PA2G4: variants seen among roughly 807,000 people sequenced by gnomAD.
PA2G4 encodes proliferation-associated 2G4, also known as proliferation-associated protein 2G4.
Under a neutral mutation model 53.3 loss-of-function variants are expected in PA2G4, and 8 were observed. The ratio of observed to expected loss-of-function variants is 0.15; its 90% confidence interval spans 0.09 to 0.27. The LOEUF (loss-of-function observed/expected upper bound fraction) is 0.27, where lower values mean the gene tolerates loss of function less well. Among genes scored for constraint, PA2G4 ranks in the 10% least tolerant of loss-of-function variants. PA2G4 has a pLI of 1.00. For missense variants in PA2G4, 208 were observed against 486.8 expected (o/e 0.43, Z 5.39); for synonymous variants, 143 against 169.8 (o/e 0.84, Z 1.23).
chr12:56,110,857 C>G, intron 9 of PA2G4, 107 bp from the exon 10 acceptor site: 1 of 1,349,932 alleles, frequency 7.4e-7, no homozygotes, highest in Non-Finnish European at 1.0e-6. Context: ...AAGAGCAATC[C>G]TAAGCATGAT....
At chr12:56,104,898 G>A in intron 1 of PA2G4, 73 bp downstream of exon 1, 3 of 1,312,360 alleles carry the variant, frequency 2.3e-6, no homozygotes, top group Non-Finnish European at 3.3e-6. Flanking sequence ...GAAGGGGCTG[G>A]AGCGGAGGGG....
intron 5 of PA2G4, 71 bp downstream of exon 5, chr12:56,107,684 A>G (rs998359820): frequency 4.0e-6 from 4 of 997,984 alleles, no homozygotes; most frequent in East Asian, 2.4e-5. Flanking sequence ...GCTACTCTAT[A>G]TGAAACTACC....
At chr12:56,111,757 T>C (rs1869431262) in intron 12 of PA2G4, among the ~76,000 whole-genome samples, 1 of 150,842 alleles carries the variant, frequency 6.6e-6, no homozygotes, top group Non-Finnish European at 1.5e-5. Context: ...CTCCTGGCCT[T>C]GAACAGTCCT....
intron 2 of PA2G4, 33 bp from the exon 3 acceptor site, chr12:56,106,957 C>A: frequency 6.5e-7 from 1 of 1,545,152 alleles, no homozygotes; most frequent in Non-Finnish European, 8.9e-7. Context: ...CGGGAGACAG[C>A]AAGGCAGTAG....
intron 9 of PA2G4, 54 bp from the exon 10 acceptor site, chr12:56,110,910 G>A: frequency 1.3e-6 from 2 of 1,528,394 alleles, no homozygotes; most frequent in South Asian, 2.3e-5. Flanking sequence ...TGAGCAAAAT[G>A]GTAAGACTTG....
In PA2G4 at chr12:56,109,311, G is replaced by C. The variant is rs998416411; in HGVS notation, c.550+18G>C. 6.3e-7 allele frequency: 1 copy of C among 1,597,836 alleles called. No individual in the cohort carries two copies. The highest frequency in any genetic ancestry group is 8.6e-7 in the Non-Finnish European group (1 of 1,167,854). On this transcript the variant is annotated intron_variant, in intron 6 of 12. Transcript: ENST00000303305. ...AATAGAAGGTGAGAACAGATAACAG[G>C]GTTGAGGGTCTAAGAATGAGTGGCT...
rs757050701 is a variant in PA2G4, at chr12:56,112,825, C to T, written c.1122C>T (p.Ala374=). ...CCCTCTCCTTTTCTTGCATATAGGC[C>T]TCCAAGACTGCAGAGAATGCCACCA... is the stretch of plus-strand genomic sequence containing the variant. ...RKTQKKKKKK[A]SKTAENATSG... is the part of the protein sequence containing the mutation. Residue 374 remains alanine (A), a splice_region_variant and synonymous_variant, in exon 13 of 13, where the codon GCC becomes GCT. Coordinates refer to ENST00000303305, the MANE Select transcript of PA2G4 (RefSeq NM_006191.3). 2.5e-6 allele frequency: 4 copies of T among 1,584,992 alleles called. No homozygotes were observed. In the East Asian group the frequency reaches 7.1e-5, roughly 28 times the overall value.
Position 56,111,463 on chromosome 12 carries a change from TC to T in PA2G4, c.1066-11del. On this transcript the variant is annotated splice_polypyrimidine_tract_variant and intron_variant, in intron 11 of 12. Transcript: ENST00000303305. ...ATTTCTCAAAATTTTTTTCCCTTCTTCCTGTTTTCCAGGCCCTCCTCCAGAG... is the reference window on the plus strand; with the variant it reads ...ATTTCTCAAAATTTTTTTCCCTTCTTCTGTTTTCCAGGCCCTCCTCCAGAG... 1 of 1,613,020 alleles carries T rather than the reference TC, an allele frequency of 6.2e-7. No homozygotes were observed. Among genetic ancestry groups the T allele is most frequent in the Non-Finnish European group, 8.5e-7 (1 of 1,179,712 alleles).
At chr12:56,107,968 G>A (rs1015985161) in intron 5 of PA2G4, among the ~76,000 whole-genome samples, 1 of 152,212 alleles carries the variant, frequency 6.6e-6, no homozygotes, top group Non-Finnish European at 1.5e-5. Flanking sequence ...GATTGAGGCT[G>A]TGCTGAGCTA....
At position 56,104,687 on chromosome 12, in the gene PA2G4, G is replaced by C. The variant is rs762680104; in HGVS notation, c.-51G>C. On this transcript the variant is annotated 5_prime_UTR_variant, in exon 1 of 13. Coordinates refer to ENST00000303305, the MANE Select transcript of PA2G4 (RefSeq NM_006191.3). ...CAGCCTGTGGCTGGGAAGGGAGACA[G>C]AGGCGGCGGCGGCTCAGGGGAAACG... 8.0e-6 allele frequency: 12 copies of C among 1,498,736 alleles called. 1 individual carries two copies. The highest frequency in any genetic ancestry group is 1.8e-4 in the Middle Eastern group (1 of 5,674). 92.8% of individuals were successfully genotyped at this position (1,498,736 alleles called of 1,614,324 possible).
In PA2G4 at chr12:56,111,164, T is replaced by A; in HGVS notation, c.938-18T>A. The A allele has an allele frequency of 6.2e-7, 1 of 1,614,072 alleles. No homozygotes were observed. The highest frequency in any genetic ancestry group is 2.2e-5 in the East Asian group (1 of 44,900). On this transcript the variant is annotated intron_variant, in intron 10 of 12. Transcript: ENST00000303305. ...CAAAGGAACTTTTTATCAAAACACA[T>A]CTTCATTTTTGCCATAGGTGAATTT... is the stretch of plus-strand genomic sequence containing the variant.
chr12:56,112,177 C>T (rs1341073011), intron 12 of PA2G4, among the ~76,000 whole-genome samples: 1 of 152,178 alleles, frequency 6.6e-6, no homozygotes, highest in African/African-American at 2.4e-5. Context: ...TCATAGCTCA[C>T]TGTATCCTCA....
Position 56,110,687 on chromosome 12 carries a change from T to G in PA2G4, c.837T>G (p.Thr279=). ...GGCGTTTTGATGCCATGCCGTTTAC[T>G]TTAAGGTACTAAGCAATGATAGTAC... ...VERRFDAMPF[T]LRAFEDEKKA... Residue 279 remains threonine, a synonymous_variant, in exon 9 of 13, where the codon ACT becomes ACG. Coordinates refer to ENST00000303305, the MANE Select transcript of PA2G4 (RefSeq NM_006191.3). 6.2e-7 allele frequency: 1 copy of G among 1,614,124 alleles called. No homozygotes were observed. Among genetic ancestry groups the G allele is most frequent in the Non-Finnish European group, 8.5e-7 (1 of 1,179,982 alleles).
chr12:56,109,151 C>G, intron 5 of PA2G4, 79 bp from the exon 6 acceptor site: 82 of 673,366 alleles, frequency 1.2e-4, no homozygotes, highest in Non-Finnish European at 1.7e-4. Flanking sequence ...ACGCTCAGTT[C>G]TTTTATGCTT....
intron 12 of PA2G4, among the ~76,000 whole-genome samples, chr12:56,111,737 G>C (rs570805837): frequency 6.1e-5 from 9 of 147,010 alleles, no homozygotes; most frequent in Non-Finnish European, 1.2e-4. Flanking sequence ...TTAAGAGACA[G>C]AGTCTCAAAC....
In PA2G4 at chr12:56,104,809, G is replaced by A. The variant is rs1869256047; in HGVS notation, c.72G>A (p.Gly24=). ...EDLVVTKYKM[G]GDIANRVLRS... is the part of the protein sequence containing the mutation. ...TGGTCGTGACCAAGTATAAGATGGGGGGCGACATCGCCAACAGTGAGTGCG... is the reference window on the plus strand; with the variant it reads ...TGGTCGTGACCAAGTATAAGATGGGAGGCGACATCGCCAACAGTGAGTGCG... Residue 24 remains glycine, a synonymous_variant, in exon 1 of 13, where the codon GGG becomes GGA. Transcript: ENST00000303305. 6.2e-7 allele frequency: 1 copy of A among 1,613,690 alleles called. No homozygotes were observed. The highest frequency in any genetic ancestry group is 1.3e-5 in the African/African-American group (1 of 74,934).
chr12:56,111,448 A>AT, intron 11 of PA2G4, 28 bp from the exon 12 acceptor site: 1 of 1,611,898 alleles, frequency 6.2e-7, no homozygotes, highest in Non-Finnish European at 8.5e-7. Flanking sequence ...ATTTCTCAAA[A>AT]TTTTTTTCCC....
chr12:56,110,413 A>T lies in PA2G4; in HGVS notation c.644A>T (p.Lys215Ile). ...ATTCCTTTTAGGAAGGACCATGAAA[A>T]AGCTGAATTTGAGGTACATGAAGTA... ...PTDQQKKDHE[K>I]AEFEVHEVYA... Residue 215 changes from lysine (K) to isoleucine (I), a missense_variant, in exon 8 of 13, where the codon AAA becomes ATA. Coordinates refer to ENST00000303305, the MANE Select transcript of PA2G4 (RefSeq NM_006191.3). 6.2e-7 allele frequency: 1 copy of T among 1,609,048 alleles called. No individual in the cohort carries two copies. The highest frequency in any genetic ancestry group is 8.5e-7 in the Non-Finnish European group (1 of 1,175,320).
In PA2G4 at chr12:56,110,690, A is replaced by G; in HGVS notation, c.840A>G (p.Leu280=). 6.2e-7 allele frequency: 1 copy of G among 1,614,054 alleles called. No individual in the cohort carries two copies. Among genetic ancestry groups the G allele is most frequent in the East Asian group, 2.2e-5 (1 of 44,888 alleles). ...ERRFDAMPFT[L]RAFEDEKKAR... is the part of the protein sequence containing the mutation. ...GTTTTGATGCCATGCCGTTTACTTT[A>G]AGGTACTAAGCAATGATAGTACTTG... Residue 280 remains leucine (L), a splice_region_variant and synonymous_variant, in exon 9 of 13, where the codon TTA becomes TTG. Transcript: ENST00000303305.
Sources: gnomAD v4.1 joint callset for allele counts (sites outside exome capture counted in the v4.1 genomes callset) on GRCh38, gnomAD v4.1.1 for gene constraint, MANE v1.5 for transcripts, NCBI Gene and HGNC (gene_info 2026-07-23, HGNC 2026-07-21) for gene names.